TTC7B: variants seen among roughly 807,000 people sequenced by gnomAD.
TTC7B encodes the protein tetratricopeptide repeat protein 7B.
Under a neutral mutation model 106.8 loss-of-function variants are expected in TTC7B, and 28 were observed. The ratio of observed to expected loss-of-function variants is 0.26; its 90% CI spans 0.19 to 0.36. TTC7B has a LOEUF of 0.36. Among genes scored for constraint, TTC7B ranks in the 10% least tolerant of loss-of-function variants. The pLI, the probability that TTC7B is intolerant of heterozygous loss-of-function variation, is 1.00. For missense variants in TTC7B, 862 were observed against 1,076.4 expected, an observed-to-expected ratio of 0.80 and a Z score of 2.79; for synonymous variants, 405 against 430.6, an observed-to-expected ratio of 0.94 and a Z score of 0.74.
At chr14:90,562,861 C>T (rs1186045202) in intron 19 of TTC7B, among the ~76,000 whole-genome samples, 2 of 152,196 alleles carry the variant, frequency 1.3e-5, no homozygotes, top group African/African-American at 4.8e-5. Flanking sequence ...ATGTCAACTC[C>T]ACCTGTCTTC....
chr14:90,581,085 G>A (rs541550412), intron 18 of TTC7B, among the ~76,000 whole-genome samples: 22 of 152,284 alleles, frequency 1.4e-4, no homozygotes, highest in Admixed American at 7.2e-4. Context: ...GCCTCGCCTG[G>A]CCCAGATGCA....
Position 90,655,089 on chromosome 14 carries a change from C to T in TTC7B, c.1363G>A (p.Ala455Thr). The T allele has an allele frequency of 6.2e-7, 1 of 1,614,042 alleles. No homozygotes were observed. The highest frequency in any genetic ancestry group is 8.5e-7 in the Non-Finnish European group (1 of 1,179,920). ...TCTCCCACATCAACGACAGTTTTGG[C>T]AAACTTTTCAGCCTCTTCCAACTGA... is the stretch of plus-strand genomic sequence containing the variant. ...LHWLEEAEKF[A>T]KTVVDVGEKT... Residue 455 changes from alanine (A) to threonine (T), a missense_variant, in exon 12 of 20, where the codon GCC (alanine) becomes ACC (threonine). By Grantham distance (58) the Ala-to-Thr change is moderately conservative. Coordinates refer to ENST00000328459, the MANE Select transcript of TTC7B (RefSeq NM_001010854.2).
intron 1 of TTC7B, among the ~76,000 whole-genome samples, chr14:90,806,130 CAAT>C (rs1309319757): frequency 6.6e-6 from 1 of 152,238 alleles, no homozygotes; most frequent in Non-Finnish European, 1.5e-5. Flanking sequence ...TGGGATACAG[CAAT>C]GAACAAAACC....
chr14:90,723,312 C>T (rs927395488), intron 5 of TTC7B, among the ~76,000 whole-genome samples: 1 of 152,162 alleles, frequency 6.6e-6, no homozygotes, highest in African/African-American at 2.4e-5. Context: ...GTCTCTATAC[C>T]CTTTGTTATC....
chr14:90,601,929 C>T (rs1050235001), intron 17 of TTC7B: 5 of 340,042 alleles, frequency 1.5e-5, no homozygotes, highest in Non-Finnish European at 2.9e-5. Flanking sequence ...AGAGCTGGCC[C>T]TTGATGGTGA....
At chr14:90,615,517 T>C (rs1893033449) in intron 16 of TTC7B, among the ~76,000 whole-genome samples, 1 of 152,216 alleles carries the variant, frequency 6.6e-6, no homozygotes, top group African/African-American at 2.4e-5. Context: ...GCCATGATTC[T>C]TAGGCGCTTG....
intron 18 of TTC7B, among the ~76,000 whole-genome samples, chr14:90,583,384 T>G (rs1891582407): frequency 6.6e-6 from 1 of 152,210 alleles, no homozygotes; most frequent in South Asian, 2.1e-4. Flanking sequence ...AGGGCAGCCA[T>G]TTCTGTGGCA....
intron 5 of TTC7B, among the ~76,000 whole-genome samples, chr14:90,721,128 G>C (rs1888878601): frequency 6.6e-6 from 1 of 151,978 alleles, no homozygotes; most frequent in Non-Finnish European, 1.5e-5. Context: ...GGGGCCTTTG[G>C]GAGATACAAT....
At chr14:90,786,375 A>G in intron 1 of TTC7B, 47 bp from the exon 2 acceptor site, 1 of 1,604,508 alleles carries the variant, frequency 6.2e-7, no homozygotes, top group Non-Finnish European at 8.5e-7. Flanking sequence ...AATGGCCTGC[A>G]TGTAGGACCC....
At chr14:90,814,821 G>A (rs562067257) in intron 1 of TTC7B, among the ~76,000 whole-genome samples, 19 of 152,310 alleles carry the variant, frequency 1.2e-4, no homozygotes, top group Non-Finnish European at 2.5e-4. Flanking sequence ...ACATAACTGA[G>A]AAGGGTCCAC....
chr14:90,815,148 TG>T (rs903299701), intron 1 of TTC7B, among the ~76,000 whole-genome samples: 3 of 152,200 alleles, frequency 2.0e-5, no homozygotes, highest in African/African-American at 7.2e-5. Context: ...AGCCAACATG[TG>T]CTCACTGGGC....
chr14:90,607,833 T>C (rs1253589370), intron 17 of TTC7B, among the ~76,000 whole-genome samples: 2 of 152,144 alleles, frequency 1.3e-5, no homozygotes, highest in Non-Finnish European at 1.5e-5. Flanking sequence ...ATACACAGTG[T>C]GTGGTTGTTT....
At chr14:90,630,511 A>G (rs1245462027) in intron 15 of TTC7B, among the ~76,000 whole-genome samples, 1 of 152,236 alleles carries the variant, frequency 6.6e-6, no homozygotes, top group Non-Finnish European at 1.5e-5. Context: ...AAATTTGCTA[A>G]TGAGCTATTT....
intron 3 of TTC7B, among the ~76,000 whole-genome samples, chr14:90,766,208 C>A (rs140090396): frequency 0.02 from 3,069 of 149,806 alleles, 41 homozygotes; most frequent in Middle Eastern, 0.042. Flanking sequence ...AGAGTTACCA[C>A]ATTATTAGAT....
At chr14:90,735,039 C>G (rs1349090132) in intron 4 of TTC7B, among the ~76,000 whole-genome samples, 1 of 152,130 alleles carries the variant, frequency 6.6e-6, no homozygotes, top group African/African-American at 2.4e-5. Context: ...CTGCCTCGGC[C>G]TCCCAAAGTG....
intron 1 of TTC7B, among the ~76,000 whole-genome samples, chr14:90,798,250 G>A (rs868062348): frequency 1.3e-5 from 2 of 152,168 alleles, no homozygotes; most frequent in East Asian, 1.9e-4. Flanking sequence ...CAAAGTCACC[G>A]GGCTGACCCA....
rs1036871479 is a variant in TTC7B, at chr14:90,746,021, G to A, written c.446-1099C>T. ...CCTGGCCTCAAATTTTGTCATTTATGTTTCTGAGGAATATTTGCCTAAAGT... is the reference window on the plus strand; with the variant it reads ...CCTGGCCTCAAATTTTGTCATTTATATTTCTGAGGAATATTTGCCTAAAGT... On this transcript the variant is annotated intron_variant, in intron 3 of 19. Coordinates refer to ENST00000328459, the MANE Select transcript of TTC7B (RefSeq NM_001010854.2). Among the ~76,000 whole-genome samples, 11 of 152,056 alleles carry A rather than the reference G, an allele frequency of 7.2e-5. 1 individual carries two copies. Among genetic ancestry groups the A allele is most frequent in the Admixed American group, 2.0e-4 (3 of 15,256 alleles).
chr14:90,807,205 G>A lies in TTC7B; in HGVS notation c.121+8970C>T, dbSNP rs772315301. Reference sequence around the variant, plus strand: ...ACCCTCACGCCACCACCCTGCCCAAGATCCTCCTCCTGGTGCCCTGCCAGG... The same window carrying A: ...ACCCTCACGCCACCACCCTGCCCAAAATCCTCCTCCTGGTGCCCTGCCAGG... On this transcript the variant is annotated intron_variant, in intron 1 of 19. Transcript: ENST00000328459. This position sits in a 1 kb window ranked among gnomAD's most constrained non-coding sequence, Gnocchi z 4.1. Among the ~76,000 whole-genome samples, 9 of 152,212 alleles carry A rather than the reference G, an allele frequency of 5.9e-5. No individual in the cohort carries two copies. Among genetic ancestry groups the A allele is most frequent in the East Asian group, 5.8e-4 (3 of 5,174 alleles).
In TTC7B at chr14:90,570,671, CAGG is replaced by C. The variant is rs1447461800; in HGVS notation, c.2310+7432_2310+7434del. 1.3e-5 allele frequency among the ~76,000 whole-genome samples: 2 copies of C among 152,118 alleles called. 1 individual carries two copies. The highest frequency in any genetic ancestry group is 2.9e-5 in the Non-Finnish European group (2 of 68,030). On this transcript the variant is annotated intron_variant, in intron 19 of 19. Coordinates refer to ENST00000328459, the MANE Select transcript of TTC7B (RefSeq NM_001010854.2). This position sits in a 1 kb window ranked among gnomAD's most constrained non-coding sequence, Gnocchi z 4.0. ...TGCAGAAAGGGAAGCTCCATGGGGC[CAGG>C]AGATGACTCACTCACTGTCAAACAG...
Sources: allele counts gnomAD v4.1 joint callset (sites outside exome capture counted in the v4.1 genomes callset), GRCh38; gene constraint gnomAD v4.1.1; non-coding constraint Gnocchi (gnomAD v3.1); transcripts MANE v1.5; gene names NCBI Gene and HGNC (gene_info 2026-07-23, HGNC 2026-07-21).